DLG2: variants seen among roughly 807,000 people sequenced by gnomAD.
The protein encoded by DLG2 is discs large MAGUK scaffold protein 2.
In DLG2, 45 loss-of-function variants were observed where a neutral mutation model predicts 132.5. The ratio of observed to expected loss-of-function variants is 0.34; its 90% CI spans 0.27 to 0.44. The LOEUF (loss-of-function observed/expected upper bound fraction) is 0.44, where lower values mean the gene tolerates loss of function less well. DLG2 is among the 20% of genes least tolerant of loss of function. DLG2 has a pLI of 1.00. For synonymous variants in DLG2, 424 were observed against 419.6 expected, an observed-to-expected ratio of 1.01 and a Z score of -0.13; for missense variants, 1,045 against 1,196.9, an observed-to-expected ratio of 0.87 and a Z score of 1.87.
At chr11:84,515,276 TACACAC>T (rs142638064) in intron 7 of DLG2, among the ~76,000 whole-genome samples, 3,811 of 141,832 alleles carry the variant, frequency 0.027, 49 homozygotes, top group East Asian at 0.046. Flanking sequence ...TGAACTTAAA[TACACAC>T]ACACACACAC....
intron 3 of DLG2, among the ~76,000 whole-genome samples, chr11:85,462,081 C>T (rs529938013): frequency 6.6e-6 from 1 of 152,300 alleles, no homozygotes; most frequent in African/African-American, 2.4e-5. Context: ...CAGAGAAATG[C>T]AAATCAAAAC....
intron 2 of DLG2, among the ~76,000 whole-genome samples, chr11:85,604,234 C>T (rs2080363098): frequency 6.6e-6 from 1 of 152,188 alleles, no homozygotes; most frequent in South Asian, 2.1e-4. Context: ...CCAAGTTAGG[C>T]TTTCACACAC....
chr11:83,833,458 AAAAC>A (rs912827055), intron 17 of DLG2, among the ~76,000 whole-genome samples, 152 bp downstream of exon 17: 1 of 152,156 alleles, frequency 6.6e-6, no homozygotes, highest in Non-Finnish European at 1.5e-5. Flanking sequence ...AACAAAAACA[AAAAC>A]AAACAAAATT....
chr11:85,015,292 A>C (rs574089995), intron 6 of DLG2, among the ~76,000 whole-genome samples: 2 of 152,040 alleles, frequency 1.3e-5, no homozygotes, highest in African/African-American at 4.8e-5. Context: ...CACACTGTCT[A>C]TTTGCAGTCT....
chr11:83,816,071 T>A (rs1487519498), intron 17 of DLG2, among the ~76,000 whole-genome samples: 2 of 152,148 alleles, frequency 1.3e-5, no homozygotes, highest in African/African-American at 4.8e-5. Flanking sequence ...CACCCTCTAA[T>A]ATATCATGTC....
At chr11:85,172,198 C>T (rs568550443) in intron 4 of DLG2, among the ~76,000 whole-genome samples, 3 of 152,312 alleles carry the variant, frequency 2.0e-5, no homozygotes, top group East Asian at 1.9e-4. Context: ...CCTACAGGAG[C>T]GTTCTGGCCA....
chr11:83,853,820 C>G (rs1187593531), intron 16 of DLG2, among the ~76,000 whole-genome samples: 3 of 152,028 alleles, frequency 2.0e-5, no homozygotes, highest in Non-Finnish European at 4.4e-5. Flanking sequence ...AGATCAGAAA[C>G]AAGGCAAGAA....
intron 7 of DLG2, among the ~76,000 whole-genome samples, chr11:84,461,152 G>A (rs576278119): frequency 1.3e-5 from 2 of 151,044 alleles, no homozygotes; most frequent in Admixed American, 6.6e-5. Context: ...TAAAGGTTAA[G>A]TAGGAGTTAT....
intron 6 of DLG2, among the ~76,000 whole-genome samples, chr11:85,014,955 G>T (rs973240784): frequency 1.3e-5 from 2 of 152,096 alleles, no homozygotes; most frequent in African/African-American, 4.8e-5. Context: ...AGCAGATTAT[G>T]CCTCTTGAAG....
At chr11:84,698,426 A>G (rs1329579171) in intron 6 of DLG2, among the ~76,000 whole-genome samples, 1 of 151,552 alleles carries the variant, frequency 6.6e-6, no homozygotes, top group East Asian at 1.9e-4. Context: ...CAGAAAGATT[A>G]ATCTATTCGT....
chr11:85,568,072 T>C (rs1350600595), intron 3 of DLG2, among the ~76,000 whole-genome samples: 1 of 150,442 alleles, frequency 6.6e-6, no homozygotes, highest in Non-Finnish European at 1.5e-5. Flanking sequence ...TGGAGTGCAA[T>C]GGCGCGATCT....
intron 22 of DLG2, among the ~76,000 whole-genome samples, chr11:83,483,669 C>T (rs2093306281): frequency 6.6e-6 from 1 of 152,118 alleles, no homozygotes; most frequent in Non-Finnish European, 1.5e-5. Context: ...AAGCTCAGTG[C>T]TCAGAAAGTG....
chr11:85,010,057 G>A (rs2059018417), intron 6 of DLG2, among the ~76,000 whole-genome samples: 1 of 152,168 alleles, frequency 6.6e-6, no homozygotes, highest in East Asian at 1.9e-4. Context: ...ATAAGTACAA[G>A]CTGGGGTACC....
chr11:85,369,407 G>C (rs774492254), intron 3 of DLG2, among the ~76,000 whole-genome samples: 8 of 151,808 alleles, frequency 5.3e-5, no homozygotes, highest in Non-Finnish European at 1.0e-4. Context: ...TCTTCCCCAG[G>C]CATTTTTAAA....
At chr11:84,693,559 G>C (rs146384216) in intron 6 of DLG2, among the ~76,000 whole-genome samples, 1 of 151,486 alleles carries the variant, frequency 6.6e-6, no homozygotes, top group Non-Finnish European at 1.5e-5. Flanking sequence ...TCCACATGCC[G>C]CAGGAAAAAA....
chr11:84,036,986 T>C (rs2095880541), intron 11 of DLG2, among the ~76,000 whole-genome samples: 2 of 152,296 alleles, frequency 1.3e-5, no homozygotes, highest in South Asian at 2.1e-4. Flanking sequence ...AGGAAAAAGA[T>C]CATTATCAAT....
chr11:84,420,627 GCA>G (rs2154464350), intron 7 of DLG2, among the ~76,000 whole-genome samples: 1 of 136,450 alleles, frequency 7.3e-6, no homozygotes, highest in South Asian at 2.5e-4. Context: ...CACTGCCTCA[GCA>G]CAGTGACCAA....
chr11:84,609,848 A>G (rs2099592314), intron 6 of DLG2, among the ~76,000 whole-genome samples: 1 of 152,184 alleles, frequency 6.6e-6, no homozygotes, highest in Non-Finnish European at 1.5e-5. Flanking sequence ...TCAGTATTTA[A>G]GAATATTTTA....
At chr11:84,104,100 C>T (rs2092730724) in intron 9 of DLG2, among the ~76,000 whole-genome samples, 1 of 152,006 alleles carries the variant, frequency 6.6e-6, no homozygotes, top group African/African-American at 2.4e-5. Context: ...TATTGTGGTA[C>T]ATTTATCTGA....
Sources: allele counts gnomAD v4.1 joint callset (sites outside exome capture counted in the v4.1 genomes callset), GRCh38; gene constraint gnomAD v4.1.1; transcripts MANE v1.5; gene names NCBI Gene and HGNC (gene_info 2026-07-23, HGNC 2026-07-21).